The following HFM1 variants were observed in gnomAD, a reference collection of about 807,000 sequenced individuals.
HFM1 encodes helicase for meiosis 1, also known as probable ATP-dependent DNA helicase HFM1.
Under a neutral mutation model 192.1 loss-of-function variants are expected in HFM1, and 169 were observed. The ratio of observed to expected loss-of-function variants is 0.88; its 90% CI spans 0.78 to 1.00. HFM1 has a LOEUF of 1.00. HFM1 is among the 50% of genes least tolerant of loss of function. The probability of loss-of-function intolerance (pLI) is 0.00; values close to 1 mark genes in which losing one functional copy is unlikely to be tolerated. For missense variants in HFM1, 1,661 were observed against 1,668.0 expected, an observed-to-expected ratio of 1.00 and a Z score of 0.07; for synonymous variants, 525 against 537.8, an observed-to-expected ratio of 0.98 and a Z score of 0.33.
chr1:91,363,322 G>C (rs774771431), intron 13 of HFM1, among the ~76,000 whole-genome samples: 1 of 99,514 alleles, frequency 1.0e-5, no homozygotes, highest in East Asian at 3.0e-4. Context: ...CAAGGAACTT[G>C]AACAAAATTA....
chr1:91,363,015 C>T (rs1240021214), intron 13 of HFM1, among the ~76,000 whole-genome samples: 2 of 152,106 alleles, frequency 1.3e-5, no homozygotes, highest in Non-Finnish European at 2.9e-5. Context: ...ACACCCTACA[C>T]AAGAATTAAC....
In HFM1 at chr1:91,352,667, A is replaced by C. The variant is rs1408558873; in HGVS notation, c.1832-16T>G. ...CTGGTAGTAACTGCATCAGATTAAG[A>C]CATAGTAATTTTGAGCCATTTAACT... On this transcript the variant is annotated splice_polypyrimidine_tract_variant and intron_variant, in intron 15 of 38. Transcript: ENST00000370425. 6.4e-7 allele frequency: 1 copy of C among 1,562,238 alleles called. No homozygotes were observed. The highest frequency in any genetic ancestry group is 1.4e-5 in the African/African-American group (1 of 72,566).
chr1:91,380,930 C>G lies in HFM1; in HGVS notation c.855G>C (p.Gln285His), dbSNP rs763131998. The G allele has an allele frequency of 8.9e-6, 13 of 1,456,834 alleles. No individual in the cohort carries two copies. The highest frequency in any genetic ancestry group is 1.4e-5 in the African/African-American group (1 of 71,516). The allele number at this position is 1,456,834 out of a possible 1,614,324, so 90.2% of individuals were successfully genotyped here. ...FKEFPYFNYI[Q>H]SKAFDDLLYT... Reference sequence around the variant, plus strand: ...TACTTACATCATCAAAGGCCTTGGACTGTATATAGTTGAAATATGGAAATT... The same window carrying G: ...TACTTACATCATCAAAGGCCTTGGAGTGTATATAGTTGAAATATGGAAATT... The change falls in exon 7 of 39, where the codon CAG (glutamine) becomes CAC (histidine). Residue 285 changes from glutamine to histidine, a missense_variant. Coordinates refer to ENST00000370425, the MANE Select transcript of HFM1 (RefSeq NM_001017975.6).
At chr1:91,311,600 TG>T (rs1413661953) in intron 30 of HFM1, among the ~76,000 whole-genome samples, 2 of 149,804 alleles carry the variant, frequency 1.3e-5, no homozygotes, top group East Asian at 2.0e-4. Flanking sequence ...CACTCCAGCC[TG>T]GGTGACAGAG....
At position 91,351,599 on chromosome 1, in the gene HFM1, T is replaced by C. The variant is rs1247390094; in HGVS notation, c.2022A>G (p.Thr674=). ...CTAACATCTGAATGTACTTGTCCCT[T>C]GTGCTTAATCGAGTCATGATAACTG... ...ATAVIMTRLS[T]RDKYIQMLAC... The change falls in exon 17 of 39, where the codon ACA becomes ACG. Residue 674 remains threonine, a synonymous_variant. Transcript: ENST00000370425. 1 of 1,603,964 alleles carries C rather than the reference T, an allele frequency of 6.2e-7. No homozygotes were observed. Among genetic ancestry groups the C allele is most frequent in the Non-Finnish European group, 8.5e-7 (1 of 1,174,582 alleles).
intron 30 of HFM1, among the ~76,000 whole-genome samples, chr1:91,289,108 G>C (rs904679234): frequency 6.6e-6 from 1 of 151,850 alleles, no homozygotes; most frequent in African/African-American, 2.4e-5. Flanking sequence ...TCCCAGATGG[G>C]GCGGCTGCCA....
At chr1:91,314,369 T>C (rs1650903181) in intron 28 of HFM1, among the ~76,000 whole-genome samples, 1 of 152,212 alleles carries the variant, frequency 6.6e-6, no homozygotes, top group Non-Finnish European at 1.5e-5. Flanking sequence ...TCTTCCTGCC[T>C]CGGTCTCCCG....
intron 30 of HFM1, among the ~76,000 whole-genome samples, chr1:91,309,879 T>C (rs558841530): frequency 8.4e-4 from 127 of 152,018 alleles, no homozygotes; most frequent in African/African-American, 2.5e-3. Context: ...AATCACTCAA[T>C]GGCAACGAGC....
At chr1:91,381,852 A>T (rs1661581011) in intron 6 of HFM1, among the ~76,000 whole-genome samples, 1 of 152,192 alleles carries the variant, frequency 6.6e-6, no homozygotes, top group African/African-American at 2.4e-5. Context: ...GGATTTTTAT[A>T]AAGATATACA....
At chr1:91,278,411 G>A (rs116413652) in intron 30 of HFM1, among the ~76,000 whole-genome samples, 1,882 of 152,208 alleles carry the variant, frequency 0.012, 37 homozygotes, top group African/African-American at 0.043. Flanking sequence ...ATGGAAATAC[G>A]AACATGAGAA....
intron 30 of HFM1, among the ~76,000 whole-genome samples, chr1:91,300,779 G>T (rs924029936): frequency 6.6e-6 from 1 of 152,074 alleles, no homozygotes. Context: ...TTGATGGGAC[G>T]TATCTCAAAG....
chr1:91,355,430 A>G (rs1401282831), intron 13 of HFM1, among the ~76,000 whole-genome samples: 1 of 143,296 alleles, frequency 7.0e-6, no homozygotes, highest in Admixed American at 7.0e-5. Flanking sequence ...AAATTGATAG[A>G]AGAAAAAAAA....
chr1:91,313,888 T>C (rs1369632841), intron 29 of HFM1, 69 bp downstream of exon 29: 3 of 810,270 alleles, frequency 3.7e-6, no homozygotes, highest in African/African-American at 1.7e-5. Context: ...TGTACCAGCA[T>C]AAAGGATGTA....
intron 8 of HFM1, among the ~76,000 whole-genome samples, chr1:91,379,454 G>A (rs1239462194): frequency 2.0e-5 from 3 of 151,928 alleles, no homozygotes; most frequent in Admixed American, 6.6e-5. Flanking sequence ...TAACACTGAC[G>A]ATGACTGATA....
chr1:91,369,652 T>C (rs184458974), intron 13 of HFM1, among the ~76,000 whole-genome samples: 1 of 152,068 alleles, frequency 6.6e-6, no homozygotes, highest in East Asian at 1.9e-4. Context: ...AAGATAAAAA[T>C]TGACACCCTA....
intron 30 of HFM1, among the ~76,000 whole-genome samples, chr1:91,302,259 T>C (rs973787250): frequency 9.9e-5 from 15 of 151,392 alleles, no homozygotes; most frequent in African/African-American, 2.2e-4. Flanking sequence ...GTTAGAATGG[T>C]GATCATTAAA....
chr1:91,302,665 C>T (rs1451126562), intron 30 of HFM1, among the ~76,000 whole-genome samples: 1 of 151,526 alleles, frequency 6.6e-6, no homozygotes, highest in Non-Finnish European at 1.5e-5. Context: ...CCATCATTCT[C>T]AGCAAACTAT....
chr1:91,278,012 A>T (rs1408423802), intron 30 of HFM1, among the ~76,000 whole-genome samples: 2 of 145,716 alleles, frequency 1.4e-5, no homozygotes, highest in African/African-American at 2.5e-5. Context: ...ATATGGCCAC[A>T]TATCAGTAAC....
At chr1:91,303,495 G>A (rs1334630773) in intron 30 of HFM1, among the ~76,000 whole-genome samples, 1 of 152,160 alleles carries the variant, frequency 6.6e-6, no homozygotes, top group Non-Finnish European at 1.5e-5. Flanking sequence ...GTTTTTGTAT[G>A]AATATGTTTT....
Sources: gnomAD v4.1 joint callset for allele counts (sites outside exome capture counted in the v4.1 genomes callset) on GRCh38, gnomAD v4.1.1 for gene constraint, MANE v1.5 for transcripts, NCBI Gene and HGNC (gene_info 2026-07-23, HGNC 2026-07-21) for gene names.